The following NRXN1 variants were observed in gnomAD, a reference collection of about 807,000 sequenced individuals.
The protein encoded by NRXN1 is neurexin 1, also known as neurexin-1.
NRXN1 carries 39 observed loss-of-function variants against 150.9 expected under a neutral mutation model. The ratio of observed to expected loss-of-function variants is 0.26; its 90% CI spans 0.20 to 0.34. The LOEUF (loss-of-function observed/expected upper bound fraction) is 0.34. NRXN1 is among the 10% of genes least tolerant of loss of function. The pLI is 1.00. For synonymous variants in NRXN1, 924 were observed against 757.0 expected (o/e 1.22, Z -3.62); for missense variants, 1,815 against 1,949.9 (o/e 0.93, Z 1.30).
chr2:50,903,540 T>G (rs1427527094), intron 5 of NRXN1, among the ~76,000 whole-genome samples: 1 of 152,168 alleles, frequency 6.6e-6, no homozygotes, highest in Non-Finnish European at 1.5e-5. Flanking sequence ...ACATGTGCTC[T>G]CAGTGTACCA....
intron 13 of NRXN1, among the ~76,000 whole-genome samples, chr2:50,498,736 A>G (rs894070856): frequency 6.6e-6 from 1 of 152,218 alleles, no homozygotes; most frequent in African/African-American, 2.4e-5. Context: ...CAACATAAAT[A>G]TAAGGTACTT....
At chr2:50,121,711 T>G (rs1703880196) in intron 18 of NRXN1, among the ~76,000 whole-genome samples, 1 of 152,202 alleles carries the variant, frequency 6.6e-6, no homozygotes, top group Non-Finnish European at 1.5e-5. Flanking sequence ...ATGACTCTTT[T>G]GATTAGTATG....
intron 2 of NRXN1, among the ~76,000 whole-genome samples, chr2:51,013,753 A>C (rs1286519684): frequency 2.0e-5 from 3 of 152,064 alleles, no homozygotes; most frequent in African/African-American, 7.2e-5. Context: ...CATTTATACT[A>C]GAATTACAAG....
At chr2:50,295,011 CA>C (rs983471544) in intron 17 of NRXN1, among the ~76,000 whole-genome samples, 2 of 152,154 alleles carry the variant, frequency 1.3e-5, no homozygotes, top group Non-Finnish European at 2.9e-5. Flanking sequence ...TTGATTTGGG[CA>C]AACTATATTA....
chr2:50,910,581 C>T (rs959157569), intron 5 of NRXN1, among the ~76,000 whole-genome samples: 55 of 151,846 alleles, frequency 3.6e-4, no homozygotes, highest in African/African-American at 1.3e-3. Context: ...CCAAGCTCTA[C>T]CCTTAATTCA....
At chr2:50,524,510 A>C (rs976517437) in intron 12 of NRXN1, among the ~76,000 whole-genome samples, 2 of 146,180 alleles carry the variant, frequency 1.4e-5, no homozygotes, top group South Asian at 4.2e-4. Flanking sequence ...TAAATAAATA[A>C]ATAAATAAAT....
chr2:50,409,433 T>C (rs889889645), intron 17 of NRXN1, among the ~76,000 whole-genome samples: 28 of 152,222 alleles, frequency 1.8e-4, no homozygotes, highest in African/African-American at 6.8e-4. Context: ...TCTTGCTGTG[T>C]TTTTAGGCAG....
At chr2:50,842,603 G>A (rs1219894095) in intron 5 of NRXN1, among the ~76,000 whole-genome samples, 1 of 152,116 alleles carries the variant, frequency 6.6e-6, no homozygotes, top group African/African-American at 2.4e-5. Context: ...CTATACCTGG[G>A]AACTAATCTG....
intron 17 of NRXN1, among the ~76,000 whole-genome samples, chr2:50,411,363 T>C (rs1056636681): frequency 2.6e-5 from 4 of 152,080 alleles, no homozygotes; most frequent in African/African-American, 9.7e-5. Context: ...AGTGGCGTGA[T>C]CTCGGCTCGC....
At chr2:50,058,769 T>C (rs1017767628) in intron 19 of NRXN1, among the ~76,000 whole-genome samples, 1 of 152,072 alleles carries the variant, frequency 6.6e-6, no homozygotes, top group Admixed American at 6.6e-5. Context: ...TAAATAAGTC[T>C]CACAAGACCT....
chr2:50,660,895 G>T (rs375220430), intron 5 of NRXN1, among the ~76,000 whole-genome samples: 38 of 151,986 alleles, frequency 2.5e-4, no homozygotes, highest in African/African-American at 8.7e-4. Flanking sequence ...AGAAAACAAA[G>T]TTTCTGACCT....
chr2:50,961,804 T>C (rs1693237779), intron 2 of NRXN1, among the ~76,000 whole-genome samples: 1 of 151,692 alleles, frequency 6.6e-6, no homozygotes, highest in South Asian at 2.1e-4. Context: ...GGAGGGATTT[T>C]GTTAATTCCT....
chr2:50,576,481 T>C (rs954453110), intron 8 of NRXN1, among the ~76,000 whole-genome samples: 1 of 152,154 alleles, frequency 6.6e-6, no homozygotes, highest in Non-Finnish European at 1.5e-5. Context: ...ATCATGTTTT[T>C]ACTCTTTTTT....
chr2:50,275,003 A>C lies in NRXN1; in HGVS notation c.3365-38033T>G, dbSNP rs543926574. Among the ~76,000 whole-genome samples, 7 of 152,314 alleles carry C rather than the reference A, an allele frequency of 4.6e-5. No homozygotes were observed. In the South Asian group the frequency reaches 1.2e-3, roughly 27 times the overall value. ...AAGACTTCATATGTTTTGAATGACA[A>C]GGTATTGACCATGGTTTCTGCAAAA... On this transcript the variant is annotated intron_variant, in intron 17 of 22. Coordinates refer to ENST00000401669, the MANE Select transcript of NRXN1 (RefSeq NM_001330078.2).
chr2:50,240,241 C>T (rs879826827), intron 17 of NRXN1, among the ~76,000 whole-genome samples: 2 of 151,610 alleles, frequency 1.3e-5, no homozygotes, highest in African/African-American at 2.4e-5. Flanking sequence ...CAAACATTGC[C>T]ATTATTTCTA....
intron 15 of NRXN1, among the ~76,000 whole-genome samples, chr2:50,487,948 A>T (rs2090995170): frequency 6.6e-6 from 1 of 152,116 alleles, no homozygotes; most frequent in Non-Finnish European, 1.5e-5. Flanking sequence ...TTGCTACCTC[A>T]TGTACTCCCT....
At chr2:50,387,865 T>C (rs1179981196) in intron 17 of NRXN1, among the ~76,000 whole-genome samples, 1 of 152,224 alleles carries the variant, frequency 6.6e-6, no homozygotes, top group East Asian at 1.9e-4. Context: ...CTTTATTTTA[T>C]AACATTTTAC....
chr2:50,782,207 A>G (rs1234324447), intron 5 of NRXN1, among the ~76,000 whole-genome samples: 1 of 151,964 alleles, frequency 6.6e-6, no homozygotes, highest in East Asian at 1.9e-4. Flanking sequence ...TATTTTTTTA[A>G]AAAAAGGATG....
chr2:50,151,618 A>G (rs551043208), intron 18 of NRXN1, among the ~76,000 whole-genome samples: 1 of 151,784 alleles, frequency 6.6e-6, no homozygotes, highest in Non-Finnish European at 1.5e-5. Flanking sequence ...AAAAAAAATC[A>G]ATAAATAATA....
Sources: gnomAD v4.1 joint callset for allele counts (sites outside exome capture counted in the v4.1 genomes callset) on GRCh38, gnomAD v4.1.1 for gene constraint, MANE v1.5 for transcripts, NCBI Gene and HGNC (gene_info 2026-07-23, HGNC 2026-07-21) for gene names.